Variants in CTNNA3 observed in about 807,000 individuals in gnomAD.
CTNNA3 encodes the protein catenin alpha-3.
CTNNA3 carries 76 observed loss-of-function variants against 95.7 expected under a neutral mutation model. That is an observed-to-expected ratio of 0.79 (90% CI 0.66 to 0.96). CTNNA3 has a LOEUF of 0.96. CTNNA3 is among the 40% of genes least tolerant of loss of function. The pLI is 0.00. For synonymous variants in CTNNA3, 431 were observed against 374.4 expected (o/e 1.15, Z -1.74); for missense variants, 1,191 against 1,089.8 (o/e 1.09, Z -1.31).
chr10:66,716,318 G>A (rs949409963), intron 9 of CTNNA3, among the ~76,000 whole-genome samples: 10 of 152,180 alleles, frequency 6.6e-5, no homozygotes, highest in Admixed American at 3.9e-4. Context: ...GATTTGGTGC[G>A]TTCATTCCAC....
At chr10:67,595,322 T>A (rs1404372822) in intron 3 of CTNNA3, among the ~76,000 whole-genome samples, 1 of 152,238 alleles carries the variant, frequency 6.6e-6, no homozygotes. Context: ...CCAGAGATTC[T>A]GGTACATTGT....
chr10:66,586,376 G>A (rs564244297), intron 10 of CTNNA3, among the ~76,000 whole-genome samples: 20 of 152,164 alleles, frequency 1.3e-4, no homozygotes, highest in African/African-American at 4.6e-4. Context: ...ATACACTGAG[G>A]TCTTTTCATG....
At chr10:66,753,105 T>C (rs1839223927) in intron 9 of CTNNA3, among the ~76,000 whole-genome samples, 1 of 152,162 alleles carries the variant, frequency 6.6e-6, no homozygotes, top group African/African-American at 2.4e-5. Context: ...CATATACTTT[T>C]TCCCCAATTC....
intron 13 of CTNNA3, among the ~76,000 whole-genome samples, chr10:66,236,063 G>A (rs2089840267): frequency 6.6e-6 from 1 of 152,190 alleles, no homozygotes; most frequent in African/African-American, 2.4e-5. Flanking sequence ...TGGGTTGTTT[G>A]TAGTCTCATT....
At chr10:66,260,836 C>G (rs1289839615) in intron 13 of CTNNA3, among the ~76,000 whole-genome samples, 1 of 152,018 alleles carries the variant, frequency 6.6e-6, no homozygotes, top group African/African-American at 2.4e-5. Context: ...TCTCACACTT[C>G]CATATTCAGA....
At chr10:66,635,346 C>A (rs548397427) in intron 9 of CTNNA3, among the ~76,000 whole-genome samples, 3 of 151,996 alleles carry the variant, frequency 2.0e-5, no homozygotes, top group Non-Finnish European at 4.4e-5. Context: ...ATGAAGCATG[C>A]AGGTCTAATA....
intron 1 of CTNNA3, among the ~76,000 whole-genome samples, chr10:67,732,001 C>T (rs939296659): frequency 3.3e-5 from 5 of 150,810 alleles, no homozygotes; most frequent in Non-Finnish European, 5.9e-5. Flanking sequence ...AGGCTGGTCT[C>T]GAACACCTAA....
intron 9 of CTNNA3, among the ~76,000 whole-genome samples, chr10:66,664,871 T>C (rs1358224885): frequency 7.3e-6 from 1 of 137,496 alleles, no homozygotes; most frequent in Non-Finnish European, 1.5e-5. Context: ...TGGCTGAATA[T>C]GAGTCAGCTG....
At chr10:67,085,846 T>C (rs1402614361) in intron 7 of CTNNA3, among the ~76,000 whole-genome samples, 3 of 152,008 alleles carry the variant, frequency 2.0e-5, no homozygotes, top group Admixed American at 1.3e-4. Flanking sequence ...TCTAGAGAGA[T>C]AGATTATGTT....
chr10:65,982,152 GA>G (rs1186026992), intron 16 of CTNNA3, among the ~76,000 whole-genome samples: 7 of 145,062 alleles, frequency 4.8e-5, no homozygotes, highest in African/African-American at 1.0e-4. Flanking sequence ...AAATCAGCAA[GA>G]AAAAAAATCC....
Position 66,720,169 on chromosome 10 carries a change from G to A in CTNNA3, c.1281+46095C>T, listed in dbSNP as rs139530825. ...AAATATTGGAAAGACCTTCTCTCTCGTTATCTCACCTTCAGTTAAAAAAAA... is the reference window on the plus strand; with the variant it reads ...AAATATTGGAAAGACCTTCTCTCTCATTATCTCACCTTCAGTTAAAAAAAA... On this transcript the variant is annotated intron_variant, in intron 9 of 17. Coordinates refer to ENST00000433211, the MANE Select transcript of CTNNA3 (RefSeq NM_013266.4). 7.2e-3 allele frequency among the ~76,000 whole-genome samples: 1,099 copies of A among 151,836 alleles called. 11 individuals are homozygous for A. The highest frequency in any genetic ancestry group is 0.02 in the African/African-American group (828 of 41,408).
At chr10:67,710,613 G>A (rs1190699961) in intron 1 of CTNNA3, among the ~76,000 whole-genome samples, 2 of 152,112 alleles carry the variant, frequency 1.3e-5, no homozygotes, top group East Asian at 3.9e-4. Flanking sequence ...CAATTCAGAA[G>A]AACACTTTTC....
chr10:66,584,001 T>C (rs1843280249), intron 10 of CTNNA3, among the ~76,000 whole-genome samples: 1 of 151,900 alleles, frequency 6.6e-6, no homozygotes, highest in Admixed American at 6.6e-5. Flanking sequence ...AGGGTTCCTT[T>C]TGGAATCGAT....
upstream of CTNNA3, among the ~76,000 whole-genome samples, chr10:67,700,059 C>T (rs894174919): frequency 3.3e-5 from 5 of 152,204 alleles, no homozygotes; most frequent in East Asian, 9.6e-4. Context: ...AAGGCAGCAG[C>T]GAGGCTGGGG....
At chr10:67,298,933 T>G (rs1840153704) in intron 5 of CTNNA3, among the ~76,000 whole-genome samples, 1 of 152,158 alleles carries the variant, frequency 6.6e-6, no homozygotes, top group Non-Finnish European at 1.5e-5. Context: ...GTTGCATTTT[T>G]TTTTTTTAGA....
At chr10:66,655,374 C>T (rs542870155) in intron 9 of CTNNA3, among the ~76,000 whole-genome samples, 27 of 151,556 alleles carry the variant, frequency 1.8e-4, no homozygotes, top group South Asian at 4.2e-4. Flanking sequence ...TATTTTAAGA[C>T]GACAGAAATG....
chr10:66,152,969 TA>T (rs1355079698), intron 13 of CTNNA3, among the ~76,000 whole-genome samples: 3 of 151,934 alleles, frequency 2.0e-5, no homozygotes, highest in Non-Finnish European at 4.4e-5. Flanking sequence ...AAATATATGT[TA>T]AAAGTTTTAA....
chr10:67,017,244 A>G (rs1331418550), intron 7 of CTNNA3, among the ~76,000 whole-genome samples: 3 of 152,226 alleles, frequency 2.0e-5, no homozygotes, highest in African/African-American at 7.2e-5. Context: ...ATCTAAAAAC[A>G]TTACTGAAAT....
intron 11 of CTNNA3, among the ~76,000 whole-genome samples, chr10:66,513,919 T>C (rs906598348): frequency 2.6e-5 from 4 of 152,126 alleles, no homozygotes; most frequent in Non-Finnish European, 5.9e-5. Context: ...TAGGTTCAGC[T>C]GGTAATGTAA....
Sources: allele counts gnomAD v4.1 joint callset (sites outside exome capture counted in the v4.1 genomes callset), GRCh38; gene constraint gnomAD v4.1.1; transcripts MANE v1.5; gene names NCBI Gene and HGNC (gene_info 2026-07-23, HGNC 2026-07-21).